Variants in XKR9 observed in about 807,000 individuals in gnomAD.
The protein encoded by XKR9 is XK-related protein 9.
In XKR9, 32 loss-of-function variants were observed where a neutral mutation model predicts 32.0. That is an observed-to-expected ratio of 1.00 (90% confidence interval 0.76 to 1.34). The LOEUF (loss-of-function observed/expected upper bound fraction) is 1.34. XKR9 is among the 40% of genes most tolerant of loss of function. The pLI is 0.00. For missense variants in XKR9, 546 were observed against 429.7 expected, an observed-to-expected ratio of 1.27 and a Z score of -2.39; for synonymous variants, 168 against 143.4, an observed-to-expected ratio of 1.17 and a Z score of -1.22.
At chr8:70,707,938 T>A (rs1037739241) in intron 4 of XKR9, among the ~76,000 whole-genome samples, 14 of 152,188 alleles carry the variant, frequency 9.2e-5, no homozygotes, top group Admixed American at 6.5e-5. Context: ...ATTGCATTAA[T>A]GACTAGGGTT....
chr8:70,953,567 C>T, the XKR9 span, among the ~76,000 whole-genome samples: 2 of 152,122 alleles, frequency 1.3e-5, no homozygotes, highest in African/African-American at 4.8e-5. Context: ...CTGCCTTGGC[C>T]TCCCAAAGTG....
intron 4 of XKR9, among the ~76,000 whole-genome samples, chr8:70,713,163 A>C (rs13280922): frequency 0.53 from 80,932 of 151,940 alleles, 22,598 homozygotes; most frequent in Middle Eastern, 0.62. Flanking sequence ...AAAGGAACAA[A>C]TTAGCAGATT....
the XKR9 span, among the ~76,000 whole-genome samples, chr8:70,832,865 A>ATAAG: frequency 6.6e-6 from 1 of 152,218 alleles, no homozygotes; most frequent in African/African-American, 2.4e-5. Context: ...CCACCAGAAT[A>ATAAG]TAAGCCCCAC....
the XKR9 span, among the ~76,000 whole-genome samples, chr8:70,971,406 G>A: frequency 6.6e-6 from 1 of 151,616 alleles, no homozygotes; most frequent in Middle Eastern, 3.2e-3. Flanking sequence ...CTCCCACTGT[G>A]TGGGTTATCT....
At chr8:70,818,845 C>T in the XKR9 span, among the ~76,000 whole-genome samples, 2 of 152,176 alleles carry the variant, frequency 1.3e-5, no homozygotes, top group African/African-American at 4.8e-5. Context: ...TTTGGCAAGA[C>T]CAAGTCCGTG....
chr8:70,751,463 A>G (rs1318186348), intron 2 of XKR9, among the ~76,000 whole-genome samples: 1 of 152,098 alleles, frequency 6.6e-6, no homozygotes, highest in Non-Finnish European at 1.5e-5. Context: ...GACTGGGTAA[A>G]GGGATACCCA....
chr8:70,886,644 T>C, the XKR9 span, among the ~76,000 whole-genome samples: 1 of 146,180 alleles, frequency 6.8e-6, no homozygotes. Flanking sequence ...TGACCAGTGA[T>C]GATAAGCTTT....
the XKR9 span, among the ~76,000 whole-genome samples, chr8:70,947,132 C>G: frequency 6.6e-6 from 1 of 152,102 alleles, no homozygotes; most frequent in African/African-American, 2.4e-5. Flanking sequence ...AGTTTAAAGC[C>G]CAAACCCAAA....
chr8:70,812,586 TG>T, the XKR9 span, among the ~76,000 whole-genome samples: 3 of 152,148 alleles, frequency 2.0e-5, no homozygotes, highest in Non-Finnish European at 4.4e-5. Flanking sequence ...TAAGCAACTT[TG>T]GCAAAGTCTC....
At chr8:71,029,510 T>C in the XKR9 span, among the ~76,000 whole-genome samples, 4 of 152,136 alleles carry the variant, frequency 2.6e-5, no homozygotes, top group African/African-American at 9.6e-5. Context: ...AATTTAATAA[T>C]AGACAACAAA....
chr8:70,771,200 G>GC (rs1807449525), intron 2 of XKR9, among the ~76,000 whole-genome samples: 1 of 152,058 alleles, frequency 6.6e-6, no homozygotes. Context: ...CCCTAGTGAG[G>GC]CAACACCCCA....
At chr8:70,785,439 A>G (rs922449924) in intron 2 of XKR9, among the ~76,000 whole-genome samples, 1 of 151,624 alleles carries the variant, frequency 6.6e-6, no homozygotes, top group African/African-American at 2.4e-5. Context: ...TATCTTTTTA[A>G]AAAATCAACT....
chr8:70,996,975 A>G, the XKR9 span, among the ~76,000 whole-genome samples: 2 of 152,282 alleles, frequency 1.3e-5, no homozygotes, highest in East Asian at 1.9e-4. Flanking sequence ...TTGGTTTCCA[A>G]TCATACTTTG....
At chr8:70,958,947 G>A in the XKR9 span, among the ~76,000 whole-genome samples, 1 of 151,902 alleles carries the variant, frequency 6.6e-6, no homozygotes, top group African/African-American at 2.4e-5. Flanking sequence ...ATATATATAT[G>A]ATGTGCCTAG....
At chr8:70,824,518 C>A in the XKR9 span, among the ~76,000 whole-genome samples, 1 of 151,846 alleles carries the variant, frequency 6.6e-6, no homozygotes, top group African/African-American at 2.4e-5. Flanking sequence ...GTCAGTAGAC[C>A]CAAGGAACAG....
At chr8:70,750,304 A>C (rs1807120849) in intron 2 of XKR9, among the ~76,000 whole-genome samples, 1 of 152,152 alleles carries the variant, frequency 6.6e-6, no homozygotes, top group Non-Finnish European at 1.5e-5. Flanking sequence ...GAATACTGTT[A>C]CTTTTTCTGA....
At chr8:70,687,172 T>C (rs1026633933) in intron 3 of XKR9, among the ~76,000 whole-genome samples, 2 of 152,296 alleles carry the variant, frequency 1.3e-5, no homozygotes, top group Admixed American at 1.3e-4. Context: ...TTTGTTTCAA[T>C]TTTTAGCTCC....
intron 3 of XKR9, among the ~76,000 whole-genome samples, chr8:70,689,719 T>A (rs1277978545): frequency 6.6e-6 from 1 of 152,102 alleles, no homozygotes; most frequent in Non-Finnish European, 1.5e-5. Context: ...CTTTCTATGC[T>A]GAAATGAAAA....
At chr8:70,707,875 G>A (rs1029126578) in intron 4 of XKR9, among the ~76,000 whole-genome samples, 4 of 151,918 alleles carry the variant, frequency 2.6e-5, no homozygotes, top group Non-Finnish European at 5.9e-5. Flanking sequence ...CCTTTTATAG[G>A]TAATTAACTT....
Sources: gnomAD v4.1 joint callset for allele counts (sites outside exome capture counted in the v4.1 genomes callset) on GRCh38, gnomAD v4.1.1 for gene constraint, MANE v1.5 for transcripts, NCBI Gene and HGNC (gene_info 2026-07-23, HGNC 2026-07-21) for gene names.